The following PPFIA2 variants were observed in gnomAD, a reference collection of about 807,000 sequenced individuals.
PPFIA2 encodes PPFI scaffold protein A2.
Under a neutral mutation model 175.5 loss-of-function variants are expected in PPFIA2, and 46 were observed. That is an observed-to-expected ratio of 0.26 (90% CI 0.21 to 0.34). The LOEUF (loss-of-function observed/expected upper bound fraction) is 0.34, where lower values mean the gene tolerates loss of function less well. Ranked by LOEUF, PPFIA2 falls within the 10% of genes least tolerant of loss-of-function variation. The pLI is 1.00. For synonymous variants in PPFIA2, 568 were observed against 511.4 expected (o/e 1.11, Z -1.49); for missense variants, 1,179 against 1,506.1 (o/e 0.78, Z 3.60).
chr12:81,526,291 G>A lies in PPFIA2; in HGVS notation c.304-68425C>T, dbSNP rs187260527. ...TTTCCTGATAGTTGAGAATAAGGGTGCATGTGGCCCTGATTGCTAATGCAG... is the reference window on the plus strand; with the variant it reads ...TTTCCTGATAGTTGAGAATAAGGGTACATGTGGCCCTGATTGCTAATGCAG... On this transcript the variant is annotated intron_variant, in intron 4 of 32. Transcript: ENST00000549396. Among the ~76,000 whole-genome samples the A allele has an allele frequency of 5.1e-4, 77 of 152,306 alleles. 2 individuals carry two copies. The highest frequency in any genetic ancestry group is 2.7e-3 in the Admixed American group (42 of 15,296).
chr12:81,703,773 T>G (rs1306566344), intron 3 of PPFIA2, among the ~76,000 whole-genome samples: 1 of 152,086 alleles, frequency 6.6e-6, no homozygotes, highest in African/African-American at 2.4e-5. Flanking sequence ...GCACCGAGCA[T>G]CTTCCTAATG....
chr12:81,512,317 C>G (rs1012900757), intron 4 of PPFIA2: 8 of 1,288,634 alleles, frequency 6.2e-6, no homozygotes, highest in Admixed American at 2.3e-5. Flanking sequence ...CTCTCCCTTC[C>G]CATCTCCCAC....
intron 4 of PPFIA2, among the ~76,000 whole-genome samples, chr12:81,565,746 C>A (rs1271636936): frequency 2.6e-5 from 4 of 152,080 alleles, no homozygotes; most frequent in Non-Finnish European, 5.9e-5. Context: ...GATTGTGTTG[C>A]CCTAAGAAAT....
chr12:81,655,907 C>T (rs1056699208), intron 4 of PPFIA2, among the ~76,000 whole-genome samples: 1 of 151,916 alleles, frequency 6.6e-6, no homozygotes, highest in Non-Finnish European at 1.5e-5. Context: ...CCTTTTGATT[C>T]TGTTAATTTT....
intron 14 of PPFIA2, among the ~76,000 whole-genome samples, chr12:81,365,730 G>A (rs1403275668): frequency 6.6e-6 from 1 of 151,680 alleles, no homozygotes; most frequent in Admixed American, 6.6e-5. Context: ...TACTAAAAAT[G>A]TAATCTCTGT....
intron 4 of PPFIA2, among the ~76,000 whole-genome samples, chr12:81,560,412 A>G (rs2069802139): frequency 6.6e-6 from 1 of 152,168 alleles, no homozygotes; most frequent in African/African-American, 2.4e-5. Context: ...ACATTCTTAC[A>G]TGACCTCACC....
intron 3 of PPFIA2, among the ~76,000 whole-genome samples, chr12:81,750,909 T>C (rs1402043905): frequency 1.3e-5 from 2 of 152,158 alleles, no homozygotes; most frequent in African/African-American, 2.4e-5. Flanking sequence ...GTTACCCTAG[T>C]GGTTTTCAAT....
intron 11 of PPFIA2, among the ~76,000 whole-genome samples, chr12:81,372,642 TAA>T (rs201293714): frequency 1.4e-5 from 2 of 143,812 alleles, no homozygotes; most frequent in Admixed American, 7.0e-5. Context: ...CTCAAATGTT[TAA>T]AAAAAAAAAA....
chr12:81,574,643 C>A (rs532881831), intron 4 of PPFIA2, among the ~76,000 whole-genome samples: 1 of 151,226 alleles, frequency 6.6e-6, no homozygotes, highest in Non-Finnish European at 1.5e-5. Flanking sequence ...CCATGAATAA[C>A]ACAGGTGTAA....
At chr12:81,597,940 A>G in intron 4 of PPFIA2, 1 of 1,534,482 alleles carries the variant, frequency 6.5e-7, no homozygotes, top group Non-Finnish European at 8.7e-7. Context: ...AAGCCATTTA[A>G]AGCACACTTA....
At chr12:81,583,011 T>C (rs1355456835) in intron 4 of PPFIA2, among the ~76,000 whole-genome samples, 1 of 151,898 alleles carries the variant, frequency 6.6e-6, no homozygotes. Context: ...CAGTTCAACA[T>C]TACTCATTGA....
chr12:81,605,347 A>G (rs1219800454), intron 4 of PPFIA2, among the ~76,000 whole-genome samples: 1 of 151,754 alleles, frequency 6.6e-6, no homozygotes, highest in East Asian at 1.9e-4. Context: ...GAAGGAAGAG[A>G]AGAACATAGT....
intron 4 of PPFIA2, among the ~76,000 whole-genome samples, chr12:81,458,759 A>C (rs1399781404): frequency 6.6e-6 from 1 of 152,174 alleles, no homozygotes; most frequent in Non-Finnish European, 1.5e-5. Flanking sequence ...CTATTCTGCT[A>C]TTCTACCTTA....
intron 4 of PPFIA2, among the ~76,000 whole-genome samples, chr12:81,461,697 A>AC (rs2054563467): frequency 6.6e-6 from 1 of 152,090 alleles, no homozygotes; most frequent in Non-Finnish European, 1.5e-5. Context: ...ATCTTCTGCA[A>AC]CTACTGTGAA....
intron 13 of PPFIA2, chr12:81,368,198 C>A (rs1436850164): frequency 2.4e-6 from 3 of 1,254,862 alleles, no homozygotes; most frequent in Non-Finnish European, 3.1e-6. Context: ...CTGTAAATCA[C>A]ATTGCAGACT....
At chr12:81,429,315 G>A (rs555489130) in intron 7 of PPFIA2, among the ~76,000 whole-genome samples, 1 of 152,078 alleles carries the variant, frequency 6.6e-6, no homozygotes, top group East Asian at 1.9e-4. Context: ...TTATTTTTAG[G>A]ATTCTGAAAT....
chr12:81,414,459 T>A (rs1299212530), intron 7 of PPFIA2, among the ~76,000 whole-genome samples: 2 of 151,684 alleles, frequency 1.3e-5, no homozygotes, highest in African/African-American at 4.8e-5. Context: ...GAAAAAAAAT[T>A]AACTACTTTT....
intron 4 of PPFIA2, among the ~76,000 whole-genome samples, chr12:81,582,684 T>C (rs2074590883): frequency 6.6e-6 from 1 of 151,810 alleles, no homozygotes; most frequent in South Asian, 2.1e-4. Flanking sequence ...GATTACTTAA[T>C]AGTGCAAAAT....
At chr12:81,294,508 A>C (rs1243452441) in intron 24 of PPFIA2, 1 of 187,140 alleles carries the variant, frequency 5.3e-6, no homozygotes, top group African/African-American at 2.7e-5. Flanking sequence ...GAAGGGAGGG[A>C]GGAAGGGAGG....
Sources: gnomAD v4.1 joint callset for allele counts (sites outside exome capture counted in the v4.1 genomes callset) on GRCh38, gnomAD v4.1.1 for gene constraint, MANE v1.5 for transcripts, NCBI Gene and HGNC (gene_info 2026-07-23, HGNC 2026-07-21) for gene names.